The following CAMSAP2 variants were observed in gnomAD, a reference collection of about 807,000 sequenced individuals.
CAMSAP2 encodes calmodulin regulated spectrin associated protein family member 2.
Under a neutral mutation model 146.1 loss-of-function variants are expected in CAMSAP2, and 26 were observed. The ratio of observed to expected loss-of-function variants is 0.18; its 90% CI spans 0.13 to 0.25. The LOEUF is 0.25. CAMSAP2 is among the 10% of genes least tolerant of loss of function. The pLI is 1.00. For missense variants in CAMSAP2, 1,381 were observed against 1,759.3 expected (o/e 0.78, Z 3.85); for synonymous variants, 499 against 596.6 (o/e 0.84, Z 2.38).
chr1:200,849,163 A>G lies in CAMSAP2; in HGVS notation c.2394A>G (p.Ile798Met). Residue 798 changes from isoleucine (I) to methionine (M), a missense_variant, in exon 11 of 17, where the codon ATA (isoleucine) becomes ATG (methionine). Ile to Met is a conservative substitution (Grantham distance 10). Coordinates refer to ENST00000358823, the MANE Select transcript of CAMSAP2 (RefSeq NM_203459.4). The surrounding 1 kb of genome is among the most constrained non-coding windows in gnomAD (Gnocchi z 6.3). ...LTVVKKKGDGISPLREEAAGA... is the reference protein window; with the variant it reads ...LTVVKKKGDGMSPLREEAAGA... ...TAGTGAAAAAGAAAGGGGATGGGAT[A>G]TCTCCTCTACGAGAGGAAGCGGCGG... 1.2e-6 allele frequency: 2 copies of G among 1,614,136 alleles called. No individual in the cohort carries two copies. The highest frequency in any genetic ancestry group is 1.7e-6 in the Non-Finnish European group (2 of 1,180,004).
Position 200,849,284 on chromosome 1 carries a change from G to A in CAMSAP2, c.2515G>A (p.Glu839Lys), listed in dbSNP as rs2102252976. The change falls in exon 11 of 17, where the codon GAG (glutamate) becomes AAG (lysine). Residue 839 changes from glutamate (E) to lysine (K), a missense_variant. By Grantham distance (56) the Glu-to-Lys change is moderately conservative. Transcript: ENST00000358823. The surrounding 1 kb of genome is among the most constrained non-coding windows in gnomAD (Gnocchi z 6.3). ...QRSKSLADIK[E>K]SMENPQAKWL... is the part of the protein sequence containing the mutation. ...GAGCAAGTCACTGGCAGATATAAAAGAGAGCATGGAGAATCCTCAAGCCAA... is the reference window on the plus strand; with the variant it reads ...GAGCAAGTCACTGGCAGATATAAAAAAGAGCATGGAGAATCCTCAAGCCAA... The A allele has an allele frequency of 6.2e-7, 1 of 1,613,992 alleles. No homozygotes were observed. The highest frequency in any genetic ancestry group is 8.5e-7 in the Non-Finnish European group (1 of 1,180,030).
chr1:200,798,024 G>A (rs1392248134), intron 2 of CAMSAP2, among the ~76,000 whole-genome samples: 3 of 151,710 alleles, frequency 2.0e-5, no homozygotes, highest in Non-Finnish European at 4.4e-5. Context: ...CTGTTCCATT[G>A]ATCTATATCT....
At chr1:200,839,869 A>G (rs1212919412) in intron 6 of CAMSAP2, among the ~76,000 whole-genome samples, 1 of 152,210 alleles carries the variant, frequency 6.6e-6, no homozygotes, top group East Asian at 1.9e-4. Flanking sequence ...AAATTTTTTA[A>G]AACTGTAAAG....
At position 200,813,970 on chromosome 1, in the gene CAMSAP2, TG is replaced by T. The variant is rs751890835; in HGVS notation, c.562-1589del. ...ACAAAAAACAAAAATTAGCTAGGCA[TG>T]GTGGTACACGCCTGTGGTCCCAGCT... On this transcript the variant is annotated intron_variant, in intron 3 of 16. Coordinates refer to ENST00000358823, the MANE Select transcript of CAMSAP2 (RefSeq NM_203459.4). Among the ~76,000 whole-genome samples the T allele has an allele frequency of 5.9e-5, 9 of 151,530 alleles. No individual in the cohort carries two copies. In the East Asian group the frequency reaches 7.8e-4, roughly 13 times the overall value.
At chr1:200,818,144 A>G (rs1666655587) in intron 4 of CAMSAP2, among the ~76,000 whole-genome samples, 1 of 152,192 alleles carries the variant, frequency 6.6e-6, no homozygotes, top group Non-Finnish European at 1.5e-5. Flanking sequence ...ATTTCTCTAT[A>G]GAAATCTTGT....
chr1:200,825,752 C>T (rs529338493), intron 4 of CAMSAP2, among the ~76,000 whole-genome samples: 7 of 152,212 alleles, frequency 4.6e-5, no homozygotes, highest in African/African-American at 7.2e-5. Flanking sequence ...GTGATCTACC[C>T]GCCTTGGCCT....
intron 1 of CAMSAP2, among the ~76,000 whole-genome samples, chr1:200,752,748 CTGGG>C (rs1664543960): frequency 6.6e-6 from 1 of 151,992 alleles, no homozygotes; most frequent in African/African-American, 2.4e-5. Flanking sequence ...TCCCAAGTAG[CTGGG>C]ACTACAGGTG....
At chr1:200,747,104 GC>G (rs1305168277) in intron 1 of CAMSAP2, among the ~76,000 whole-genome samples, 1 of 152,066 alleles carries the variant, frequency 6.6e-6, no homozygotes, top group Non-Finnish European at 1.5e-5. Context: ...TCACTGTGTT[GC>G]CCAAGCTGGT....
At position 200,859,600 on chromosome 1, in the gene CAMSAP2, AT is replaced by A. The variant is rs1281074751; in HGVS notation, c.*1544del. ...GTATATTTGTTAAAACTGTAAAAAA[AT>A]TTCACAGATTTTTTTCCAATACCTG... is the stretch of plus-strand genomic sequence containing the variant. On this transcript the variant is annotated 3_prime_UTR_variant, in exon 17 of 17. Transcript: ENST00000358823. 1 of 152,304 alleles carries A rather than the reference AT, an allele frequency of 6.6e-6. No homozygotes were observed. Among genetic ancestry groups the A allele is most frequent in the Non-Finnish European group, 1.5e-5 (1 of 67,898 alleles). 9.4% of individuals were successfully genotyped at this position (152,304 alleles called of 1,614,324 possible).
At chr1:200,769,013 T>G (rs191020970) in intron 2 of CAMSAP2, among the ~76,000 whole-genome samples, 24 of 152,256 alleles carry the variant, frequency 1.6e-4, no homozygotes, top group African/African-American at 5.8e-4. Flanking sequence ...ATTGGGAGAT[T>G]AGGAAGAGAA....
intron 14 of CAMSAP2, among the ~76,000 whole-genome samples, chr1:200,855,670 C>CA (rs1231570503): frequency 6.6e-6 from 1 of 151,922 alleles, no homozygotes; most frequent in Non-Finnish European, 1.5e-5. Context: ...GATCTCGGCT[C>CA]ACTGCAACCC....
chr1:200,742,727 A>T (rs1269917018), intron 1 of CAMSAP2, among the ~76,000 whole-genome samples: 1 of 152,184 alleles, frequency 6.6e-6, no homozygotes, highest in Admixed American at 6.5e-5. Context: ...GGTGTTTTCT[A>T]TTAGAAACTT....
At chr1:200,754,608 A>G (rs1178733402) in intron 1 of CAMSAP2, among the ~76,000 whole-genome samples, 1 of 129,348 alleles carries the variant, frequency 7.7e-6, no homozygotes, top group Non-Finnish European at 1.6e-5. Context: ...TTTGAGACGA[A>G]GTCTGGCTCT....
At chr1:200,814,056 C>T (rs940095150) in intron 3 of CAMSAP2, among the ~76,000 whole-genome samples, 37 of 139,316 alleles carry the variant, frequency 2.7e-4, no homozygotes, top group Admixed American at 2.0e-3. Context: ...TGTAGTAAGT[C>T]GAGATCACGC....
chr1:200,842,212 A>C (rs977229291), intron 7 of CAMSAP2, 125 bp downstream of exon 7: 16 of 668,790 alleles, frequency 2.4e-5, no homozygotes, highest in South Asian at 5.7e-5. Flanking sequence ...CAGCTATTAC[A>C]CTTGATAGAT....
chr1:200,741,837 C>T lies in CAMSAP2; in HGVS notation c.139+1871C>T, dbSNP rs115252691. Among the ~76,000 whole-genome samples the T allele has an allele frequency of 7.4e-3, 1,127 of 152,178 alleles. 11 individuals carry two copies. Among genetic ancestry groups the T allele is most frequent in the Middle Eastern group, 0.044 (13 of 294 alleles). ...GCTGGATGCTTTGCAGTAAGTTGTA[C>T]GTTAGAGATTGATAACAAGTCTCTG... On this transcript the variant is annotated intron_variant, in intron 1 of 16. Coordinates refer to ENST00000358823, the MANE Select transcript of CAMSAP2 (RefSeq NM_203459.4).
chr1:200,811,028 T>C (rs1666316682), intron 3 of CAMSAP2, among the ~76,000 whole-genome samples: 2 of 152,224 alleles, frequency 1.3e-5, no homozygotes, highest in Non-Finnish European at 2.9e-5. Context: ...TGCTCTTCTC[T>C]CTCTCTCCCA....
chr1:200,765,945 G>A (rs1464744331), intron 2 of CAMSAP2, among the ~76,000 whole-genome samples: 2 of 152,056 alleles, frequency 1.3e-5, no homozygotes, highest in African/African-American at 4.8e-5. Context: ...ATAATGAGGA[G>A]GCTGTAAGTC....
chr1:200,846,493 G>T (rs1007441148), intron 8 of CAMSAP2, among the ~76,000 whole-genome samples: 44 of 152,086 alleles, frequency 2.9e-4, no homozygotes, highest in Admixed American at 2.8e-3. Context: ...TAATGCAGAT[G>T]GATGTCTACA....
Sources: allele counts gnomAD v4.1 joint callset (sites outside exome capture counted in the v4.1 genomes callset), GRCh38; gene constraint gnomAD v4.1.1; non-coding constraint Gnocchi (gnomAD v3.1); transcripts MANE v1.5; gene names NCBI Gene and HGNC (gene_info 2026-07-23, HGNC 2026-07-21).